Variants in CACNA1B observed in about 807,000 individuals in gnomAD.
CACNA1B encodes calcium voltage-gated channel subunit alpha1 B.
Under a neutral mutation model 247.2 loss-of-function variants are expected in CACNA1B, and 70 were observed. That is an observed-to-expected ratio of 0.28 (90% CI 0.23 to 0.35). The LOEUF is 0.35. Among genes scored for constraint, CACNA1B ranks in the 10% least tolerant of loss-of-function variants. The pLI, the probability that CACNA1B is intolerant of heterozygous loss-of-function variation, is 1.00. For synonymous variants in CACNA1B, 1,231 were observed against 1,294.4 expected (o/e 0.95, Z 1.05); for missense variants, 2,367 against 3,197.4 (o/e 0.74, Z 6.26).
intron 36 of CACNA1B, among the ~76,000 whole-genome samples, chr9:138,091,779 A>T (rs1466214742): frequency 6.6e-6 from 1 of 152,260 alleles, no homozygotes; most frequent in African/African-American, 2.4e-5. Flanking sequence ...TGAATAAGTA[A>T]AAATAAGTAA....
intron 31 of CACNA1B, chr9:138,068,527 G>T (rs530929933): frequency 1.8e-5 from 9 of 502,674 alleles, no homozygotes; most frequent in African/African-American, 1.7e-4. Context: ...TGTGCGTCTC[G>T]CCCGGAAGCA....
At chr9:137,966,127 G>T (rs1171890521) in intron 10 of CACNA1B, among the ~76,000 whole-genome samples, 1 of 151,938 alleles carries the variant, frequency 6.6e-6, no homozygotes, top group Non-Finnish European at 1.5e-5. Flanking sequence ...TTTTTAACTT[G>T]CATTTGCCTG....
At chr9:138,024,875 C>A in intron 19 of CACNA1B, 80 bp from the exon 20 acceptor site, 2 of 977,572 alleles carry the variant, frequency 2.0e-6, no homozygotes, top group Non-Finnish European at 3.1e-6. Context: ...CTCAAGTGAT[C>A]CTCCTGCCTC....
chr9:138,107,241 T>TATTTA (rs978187075), intron 39 of CACNA1B, among the ~76,000 whole-genome samples: 1 of 98,290 alleles, frequency 1.0e-5, no homozygotes, highest in Non-Finnish European at 2.0e-5. Context: ...TTTATTTATT[T>TATTTA]ATTTATTTAT....
intron 6 of CACNA1B, among the ~76,000 whole-genome samples, chr9:137,927,814 C>A (rs956804353): frequency 6.6e-6 from 1 of 152,118 alleles, no homozygotes; most frequent in African/African-American, 2.4e-5. Flanking sequence ...CTACTCTATT[C>A]TATTCTTACT....
chr9:138,013,191 G>A lies in CACNA1B; in HGVS notation c.2223G>A (p.Val741=), dbSNP rs754322932. The part of the protein sequence containing the change: ...QKLALQKAKE[V]AEVSPMSAAN... ...TTGCTCTGCAAAAGGCCAAAGAAGT[G>A]GCTGAAGTCAGCCCCATGTCTGCCG... The change falls in exon 18 of 47, where the codon GTG becomes GTA. Residue 741 remains valine (V), a synonymous_variant. Transcript: ENST00000371372. 1.2e-6 allele frequency: 2 copies of A among 1,610,544 alleles called. No individual in the cohort carries two copies. Among genetic ancestry groups the A allele is most frequent in the Non-Finnish European group, 1.7e-6 (2 of 1,178,378 alleles).
Position 138,102,004 on chromosome 9 carries a change from C to T in CACNA1B, c.5223-707C>T, listed in dbSNP as rs1961268216. Among the ~76,000 whole-genome samples, 2 of 152,200 alleles carry T rather than the reference C, an allele frequency of 1.3e-5. No individual in the cohort carries two copies. Among genetic ancestry groups the T allele is most frequent in the Non-Finnish European group, 2.9e-5 (2 of 68,022 alleles). On this transcript the variant is annotated intron_variant, in intron 37 of 46. Coordinates refer to ENST00000371372, the MANE Select transcript of CACNA1B (RefSeq NM_000718.4). This position sits in a 1 kb window ranked among gnomAD's most constrained non-coding sequence, Gnocchi z 5.4. The stretch of plus-strand genomic sequence containing the variant: ...GGTGCAAGGTGGCCCCAGGCCATGT[C>T]CTGCCAGCTCCTCCCCCCTCCCGCA...
At chr9:137,953,392 G>C (rs946609249) in intron 7 of CACNA1B, among the ~76,000 whole-genome samples, 19 of 152,210 alleles carry the variant, frequency 1.2e-4, no homozygotes, top group African/African-American at 4.6e-4. Context: ...GGTGAACCTG[G>C]GAGTTCTGCC....
chr9:137,969,752 T>G (rs1479384735), intron 10 of CACNA1B, among the ~76,000 whole-genome samples: 1 of 152,184 alleles, frequency 6.6e-6, no homozygotes, highest in Non-Finnish European at 1.5e-5. Flanking sequence ...CGTGTGTGAC[T>G]CCTGTGTTCC....
chr9:137,942,737 A>G (rs1420902658), intron 6 of CACNA1B, among the ~76,000 whole-genome samples: 2 of 152,226 alleles, frequency 1.3e-5, no homozygotes, highest in East Asian at 1.9e-4. Flanking sequence ...CGAACGTCGT[A>G]TGTTCTCACT....
At chr9:138,109,188 C>T (rs1266308756) in intron 39 of CACNA1B, among the ~76,000 whole-genome samples, 1 of 152,174 alleles carries the variant, frequency 6.6e-6, no homozygotes, top group Non-Finnish European at 1.5e-5. Context: ...CATAGACTCA[C>T]TTATACGGTC....
chr9:137,978,915 A>C (rs937893916), intron 12 of CACNA1B, among the ~76,000 whole-genome samples: 1 of 152,146 alleles, frequency 6.6e-6, no homozygotes, highest in African/African-American at 2.4e-5. Context: ...GTGCTCTCTG[A>C]GACATGGAGA....
At chr9:138,053,023 C>T (rs1959350681) in intron 25 of CACNA1B, among the ~76,000 whole-genome samples, 2 of 152,224 alleles carry the variant, frequency 1.3e-5, no homozygotes, top group African/African-American at 2.4e-5. Context: ...TTGGGAGGGA[C>T]CCAAGAGAAA....
At chr9:137,953,303 G>C (rs1364727393) in intron 7 of CACNA1B, among the ~76,000 whole-genome samples, 1 of 152,222 alleles carries the variant, frequency 6.6e-6, no homozygotes, top group Non-Finnish European at 1.5e-5. Context: ...AGTGAGGCTG[G>C]AGGAGTACAT....
chr9:137,893,541 C>T (rs563994563), intron 3 of CACNA1B, among the ~76,000 whole-genome samples: 8 of 151,796 alleles, frequency 5.3e-5, no homozygotes, highest in Non-Finnish European at 1.0e-4. Context: ...ATCCCACTTA[C>T]TCAGGGGGCT....
intron 5 of CACNA1B, among the ~76,000 whole-genome samples, chr9:137,916,159 A>T (rs1957408631): frequency 6.6e-6 from 1 of 150,444 alleles, no homozygotes; most frequent in Non-Finnish European, 1.5e-5. Flanking sequence ...CAGCCTCCCG[A>T]GTAGCTGGGA....
Position 137,955,548 on chromosome 9 carries a change from G to A in CACNA1B, c.1071-150G>A. ...CTCATCTGGAGTGCTCAGGTTAGAA[G>A]AGGCCTGGGTGGCAGGGGCCTGCCT... is the stretch of plus-strand genomic sequence containing the variant. On this transcript the variant is annotated intron_variant, in intron 7 of 46. Coordinates refer to ENST00000371372, the MANE Select transcript of CACNA1B (RefSeq NM_000718.4). The surrounding 1 kb of genome is among the most constrained non-coding windows in gnomAD (Gnocchi z 6.9). 1 of 616,806 alleles carries A rather than the reference G, an allele frequency of 1.6e-6. No individual in the cohort carries two copies. The highest frequency in any genetic ancestry group is 2.0e-5 in the South Asian group (1 of 49,476). 38.2% of individuals were successfully genotyped at this position (616,806 alleles called of 1,614,324 possible). A position where few individuals can be genotyped will look rare whatever the true frequency, so the allele number is the denominator to read the frequency against.
chr9:137,991,153 G>C (rs1042442622), intron 15 of CACNA1B, among the ~76,000 whole-genome samples: 4 of 152,202 alleles, frequency 2.6e-5, no homozygotes, highest in African/African-American at 7.2e-5. Flanking sequence ...GGAGGTACCA[G>C]AGAAAGGTGA....
rs41289999 is a variant in CACNA1B, at chr9:137,882,710, G to A, written c.391-34G>A. The A allele has an allele frequency of 1.9e-6, 3 of 1,613,398 alleles. No homozygotes were observed. Among genetic ancestry groups the A allele is most frequent in the African/African-American group, 1.3e-5 (1 of 74,938 alleles). On this transcript the variant is annotated intron_variant, in intron 2 of 46. Transcript: ENST00000371372. The surrounding 1 kb of genome is among the most constrained non-coding windows in gnomAD (Gnocchi z 4.0). ...CTGCCCGCTACTACACCGGGTAGGG[G>A]CCAGGGGTGACCACTGTTCTGCGCT...
Sources: allele counts gnomAD v4.1 joint callset (sites outside exome capture counted in the v4.1 genomes callset), GRCh38; gene constraint gnomAD v4.1.1; non-coding constraint Gnocchi (gnomAD v3.1); transcripts MANE v1.5; gene names NCBI Gene and HGNC (gene_info 2026-07-23, HGNC 2026-07-21).